Variants in SCAF8 observed in about 807,000 individuals in gnomAD.
SCAF8 encodes the protein SR-related CTD associated factor 8, also known as SR-related and CTD-associated factor 8.
Under a neutral mutation model 140.5 loss-of-function variants are expected in SCAF8, and 23 were observed. The ratio of observed to expected loss-of-function variants is 0.16; its 90% CI spans 0.12 to 0.23. The LOEUF (loss-of-function observed/expected upper bound fraction) is 0.23. Among genes scored for constraint, SCAF8 ranks in the 10% least tolerant of loss-of-function variants. The pLI is 1.00. For missense variants in SCAF8, 1,397 were observed against 1,555.7 expected (o/e 0.90, Z 1.72); for synonymous variants, 575 against 528.9 (o/e 1.09, Z -1.20).
chr6:154,822,554 T>C, intron 16 of SCAF8, 145 bp downstream of exon 16: 1 of 844,978 alleles, frequency 1.2e-6, no homozygotes, highest in African/African-American at 1.7e-5. Flanking sequence ...AATATTTCTT[T>C]TAAATAAAAA....
chr6:154,744,258 C>CTCTA (rs1778642193), intron 1 of SCAF8, among the ~76,000 whole-genome samples: 2 of 152,098 alleles, frequency 1.3e-5, no homozygotes, highest in East Asian at 3.8e-4. Flanking sequence ...CACCACTGCA[C>CTCTA]TCTAGTCTGG....
chr6:154,774,397 C>T (rs932813160), intron 2 of SCAF8, among the ~76,000 whole-genome samples: 1 of 152,146 alleles, frequency 6.6e-6, no homozygotes, highest in Admixed American at 6.5e-5. Flanking sequence ...GAACATTTAA[C>T]ATTTTGATAA....
intron 13 of SCAF8, among the ~76,000 whole-genome samples, chr6:154,817,869 A>C (rs1016575445): frequency 6.6e-6 from 1 of 152,164 alleles, no homozygotes; most frequent in Admixed American, 6.5e-5. Flanking sequence ...ATGCTTTATA[A>C]ATCAGTCTCA....
intron 1 of SCAF8, among the ~76,000 whole-genome samples, chr6:154,754,548 A>G (rs542071870): frequency 6.6e-6 from 1 of 152,334 alleles, no homozygotes; most frequent in East Asian, 1.9e-4. Context: ...AATAGTAAAT[A>G]TCAATCTTAT....
chr6:154,827,840 G>C lies in SCAF8; in HGVS notation c.2140+600G>C, dbSNP rs1004128676. Among the ~76,000 whole-genome samples, 42 of 150,632 alleles carry C rather than the reference G, an allele frequency of 2.8e-4. 2 individuals carry two copies. The highest frequency in any genetic ancestry group is 1.2e-3 in the East Asian group (6 of 5,116). On this transcript the variant is annotated intron_variant, in intron 18 of 19. Transcript: ENST00000367178. ...CACCTTTTTTGGGGCGGGGCGGGGG[G>C]GGGGGCGGTGTAAAACTTTATTTTT...
At chr6:154,778,073 C>T (rs762875730) in intron 3 of SCAF8, 28 bp downstream of exon 3, 3 of 1,349,168 alleles carry the variant, frequency 2.2e-6, no homozygotes, top group Non-Finnish European at 3.2e-6. Context: ...CATACATGTG[C>T]TGTAATTGTA....
intron 1 of SCAF8, among the ~76,000 whole-genome samples, chr6:154,754,869 C>T (rs749654252): frequency 6.6e-6 from 1 of 152,150 alleles, no homozygotes; most frequent in African/African-American, 2.4e-5. Context: ...CTCATATCTT[C>T]AAGGTATTTT....
Position 154,831,703 on chromosome 6 carries a change from T to TAAAAAAAAAA in SCAF8, c.2360-206_2360-197dup, listed in dbSNP as rs58013583. 5.8e-4 allele frequency among the ~76,000 whole-genome samples: 28 copies of TAAAAAAAAAA among 48,090 alleles called. 2 individuals carry two copies. The highest frequency in any genetic ancestry group is 1.5e-3 in the African/African-American group (21 of 14,214). 31.5% of individuals were successfully genotyped at this position (48,090 alleles called of 152,430 possible). Reference sequence around the variant, plus strand: ...CCTTTTAAACCTCCACTCCTGTTCTTAAAAAAAAAAAAAAAAAAAAAAAAA... The same window carrying TAAAAAAAAAA: ...CCTTTTAAACCTCCACTCCTGTTCTTAAAAAAAAAAAAAAAAAAAAAAAAAAAAAAAAAAA... On this transcript the variant is annotated intron_variant, in intron 19 of 19. Coordinates refer to ENST00000367178, the MANE Select transcript of SCAF8 (RefSeq NM_014892.5).
At position 154,733,431 on chromosome 6, in the gene SCAF8, G is replaced by T; in HGVS notation, c.-470G>T. ...CGAGTCCGCCATATTGGATGCCGCA[G>T]CCGCTGCTGCCAGCGCTTCCTCCTC... On this transcript the variant is annotated 5_prime_UTR_variant, in exon 1 of 20. Coordinates refer to ENST00000367178, the MANE Select transcript of SCAF8 (RefSeq NM_014892.5). The T allele has an allele frequency of 7.1e-7, 1 of 1,400,064 alleles. No individual in the cohort carries two copies. Among genetic ancestry groups the T allele is most frequent in the Admixed American group, 3.0e-5 (1 of 33,336 alleles). 86.7% of individuals were successfully genotyped at this position (1,400,064 alleles called of 1,614,324 possible). A position where few individuals can be genotyped will look rare whatever the true frequency, so the allele number is the denominator to read the frequency against.
Position 154,815,759 on chromosome 6 carries a change from A to ATGT in SCAF8, c.1464_1465insTGT (p.Ala488_Thr489insCys). ...GGGTTGGGCAAGTGGACAAGAAGGC[A>ATGT]ACACAGCAAGACTTAACCAACCTGT... On this transcript the variant is annotated inframe_insertion, in exon 13 of 20. Coordinates refer to ENST00000367178, the MANE Select transcript of SCAF8 (RefSeq NM_014892.5). The ATGT allele has an allele frequency of 6.2e-7, 1 of 1,613,438 alleles. No homozygotes were observed. The highest frequency in any genetic ancestry group is 8.5e-7 in the Non-Finnish European group (1 of 1,179,552).
intron 4 of SCAF8, among the ~76,000 whole-genome samples, chr6:154,790,991 T>A (rs907409939): frequency 5.9e-5 from 9 of 152,240 alleles, no homozygotes; most frequent in Non-Finnish European, 1.3e-4. Context: ...ACTCTGCTTT[T>A]ATTAGTGATA....
chr6:154,743,137 A>G (rs1282887806), intron 1 of SCAF8, among the ~76,000 whole-genome samples: 3 of 152,062 alleles, frequency 2.0e-5, no homozygotes, highest in Non-Finnish European at 4.4e-5. Flanking sequence ...TTTGCTAGGG[A>G]CTATGTTGTT....
intron 2 of SCAF8, among the ~76,000 whole-genome samples, 194 bp from the exon 3 acceptor site, chr6:154,777,807 G>C (rs1776960667): frequency 6.6e-6 from 1 of 152,160 alleles, no homozygotes; most frequent in South Asian, 2.1e-4. Flanking sequence ...ATCTACTTTA[G>C]AGAAGCCCTT....
At chr6:154,831,700 T>TC (rs1778739110) in intron 19 of SCAF8, among the ~76,000 whole-genome samples, 1 of 85,254 alleles carries the variant, frequency 1.2e-5, no homozygotes, top group Non-Finnish European at 2.0e-5. Flanking sequence ...CCACTCCTGT[T>TC]CTTAAAAAAA....
At position 154,788,250 on chromosome 6, in the gene SCAF8, G is replaced by A. The variant is rs189138194; in HGVS notation, c.321+228G>A. On this transcript the variant is annotated intron_variant, in intron 4 of 19. Transcript: ENST00000367178. ...ACTGTGTTAAAATTGCCTACAGTAT[G>A]CAGTACAGTGACATGCTGTACATGT... 9.3e-4 allele frequency among the ~76,000 whole-genome samples: 142 copies of A among 152,190 alleles called. 1 individual carries two copies. Among genetic ancestry groups the A allele is most frequent in the Non-Finnish European group, 1.6e-3 (106 of 68,002 alleles).
chr6:154,736,576 C>CA (rs758695031), intron 1 of SCAF8, among the ~76,000 whole-genome samples: 14 of 152,076 alleles, frequency 9.2e-5, no homozygotes, highest in Non-Finnish European at 1.9e-4. Context: ...CTGGCCCATC[C>CA]ATGACGTTTT....
intron 18 of SCAF8, among the ~76,000 whole-genome samples, chr6:154,829,057 T>C (rs533328551): frequency 6.6e-6 from 1 of 152,276 alleles, no homozygotes; most frequent in Admixed American, 6.5e-5. Flanking sequence ...TCTATAAATA[T>C]TTGTTTGTTA....
At chr6:154,775,519 T>G (rs1049563105) in intron 2 of SCAF8, among the ~76,000 whole-genome samples, 1 of 152,228 alleles carries the variant, frequency 6.6e-6, no homozygotes, top group African/African-American at 2.4e-5. Context: ...TATTTTCTAT[T>G]TTCAGATGTC....
intron 4 of SCAF8, among the ~76,000 whole-genome samples, chr6:154,792,289 C>G (rs1777443091): frequency 6.6e-6 from 1 of 151,944 alleles, no homozygotes; most frequent in South Asian, 2.1e-4. Context: ...GCAGGATGCT[C>G]AAAAAAGGAA....
Sources: allele counts gnomAD v4.1 joint callset (sites outside exome capture counted in the v4.1 genomes callset), GRCh38; gene constraint gnomAD v4.1.1; transcripts MANE v1.5; gene names NCBI Gene and HGNC (gene_info 2026-07-23, HGNC 2026-07-21).